The following SOX5 variants were observed in gnomAD, a reference collection of about 807,000 sequenced individuals.
SOX5 encodes transcription factor SOX-5.
In SOX5, 9 loss-of-function variants were observed where a neutral mutation model predicts 92.0. The observed-to-expected ratio is 0.10, with a 90% confidence interval of 0.06 to 0.17. The LOEUF is 0.17. Among genes scored for constraint, SOX5 ranks in the 10% least tolerant of loss-of-function variants. The pLI is 1.00. For synonymous variants in SOX5, 344 were observed against 336.3 expected, an observed-to-expected ratio of 1.02 and a Z score of -0.25; for missense variants, 642 against 944.5, an observed-to-expected ratio of 0.68 and a Z score of 4.20.
rs5797050 is a variant in SOX5 at position 23,948,221 on chromosome 12, T to TAA, written c.38+1341_38+1342dup. 2.7e-5 allele frequency among the ~76,000 whole-genome samples: 4 copies of TAA among 147,676 alleles called. No individual in the cohort carries two copies. The South Asian group carries it at 6.3e-4, about 23-fold the overall frequency. ...TCTAGTAAAGATGCAATTTAATTATTAAAAAAAAAAACACAGAAGAAATCA... is the reference window on the plus strand; with the variant it reads ...TCTAGTAAAGATGCAATTTAATTATTAAAAAAAAAAAAACACAGAAGAAATCA... On this transcript the variant is annotated intron_variant, in intron 1 of 14. Transcript: ENST00000451604.
chr12:24,509,005 C>G (rs1226458174), intron 1 of SOX5, among the ~76,000 whole-genome samples: 5 of 152,112 alleles, frequency 3.3e-5, no homozygotes, highest in Non-Finnish European at 7.4e-5. Context: ...AAAATTGAGG[C>G]ACCTGATGAT....
At chr12:24,559,014 C>G (rs1185028194) in intron 1 of SOX5, among the ~76,000 whole-genome samples, 1 of 152,156 alleles carries the variant, frequency 6.6e-6, no homozygotes, top group African/African-American at 2.4e-5. Flanking sequence ...GATCCCAAAT[C>G]ATTAACATAT....
intron 9 of SOX5, among the ~76,000 whole-genome samples, chr12:23,599,906 G>C (rs191208736): frequency 1.7e-3 from 252 of 152,180 alleles, no homozygotes; most frequent in Non-Finnish European, 3.3e-3. Flanking sequence ...CTATAACAAA[G>C]CAAAGGTCAT....
intron 2 of SOX5, among the ~76,000 whole-genome samples, chr12:24,346,484 C>T (rs2141119527): frequency 6.8e-6 from 1 of 147,902 alleles, no homozygotes; most frequent in South Asian, 2.1e-4. Context: ...TGGAGTCTCA[C>T]TCTGTTGCCT....
intron 8 of SOX5, among the ~76,000 whole-genome samples, chr12:23,607,485 CTGACT>C (rs1264233363): frequency 6.6e-5 from 10 of 152,128 alleles, no homozygotes; most frequent in Admixed American, 2.0e-4. Context: ...AAATGCTGCT[CTGACT>C]TATTTTAATT....
chr12:24,149,535 G>T (rs1178608832), intron 4 of SOX5, among the ~76,000 whole-genome samples: 5 of 152,064 alleles, frequency 3.3e-5, no homozygotes, highest in Non-Finnish European at 7.4e-5. Context: ...AAATTAAAAA[G>T]ACCAGCCACA....
At chr12:24,424,511 G>A (rs1966407553) in intron 1 of SOX5, among the ~76,000 whole-genome samples, 5 of 152,052 alleles carry the variant, frequency 3.3e-5, no homozygotes, top group Admixed American at 3.3e-4. Flanking sequence ...GCTGCTATGA[G>A]AACAAGCAAA....
intron 3 of SOX5, among the ~76,000 whole-genome samples, chr12:23,764,219 T>C (rs1410254680): frequency 2.0e-5 from 3 of 152,134 alleles, no homozygotes; most frequent in African/African-American, 7.2e-5. Context: ...AAGATTTTCA[T>C]GACTATTTTT....
chr12:24,426,098 G>C (rs1966717634), intron 1 of SOX5, among the ~76,000 whole-genome samples: 1 of 152,204 alleles, frequency 6.6e-6, no homozygotes, highest in Non-Finnish European at 1.5e-5. Context: ...ACTTTGGGAG[G>C]CCAAGGCGGG....
chr12:24,053,418 C>T (rs1203728317), intron 4 of SOX5, among the ~76,000 whole-genome samples: 2 of 152,056 alleles, frequency 1.3e-5, no homozygotes, highest in Non-Finnish European at 2.9e-5. Flanking sequence ...GCATGAGCTA[C>T]CGCGCCTGGC....
At chr12:24,421,162 G>A (rs1367213485) in intron 1 of SOX5, among the ~76,000 whole-genome samples, 1 of 152,186 alleles carries the variant, frequency 6.6e-6, no homozygotes, top group Non-Finnish European at 1.5e-5. Flanking sequence ...TCTAGAGAAA[G>A]AGGTGAGTCT....
At position 24,158,089 on chromosome 12, in the gene SOX5, C is replaced by T. The variant is rs920470754; in HGVS notation, c.-2+55254G>A. ...CAATTTCTACCAAGGTCAGTTTCTT[C>T]ACAGGAAAAATCCAACACATTTAGA... is the stretch of plus-strand genomic sequence containing the variant. On this transcript the variant is annotated intron_variant, in intron 4 of 4. Coordinates refer to the SOX5 transcript ENST00000446891. Among the ~76,000 whole-genome samples, 6 of 152,116 alleles carry T rather than the reference C, an allele frequency of 3.9e-5. 1 individual carries two copies. Among genetic ancestry groups the T allele is most frequent in the African/African-American group, 1.4e-4 (6 of 41,558 alleles).
Position 24,447,282 on chromosome 12 carries a change from G to C in SOX5, c.-250-78643C>G, listed in dbSNP as rs149341017. Among the ~76,000 whole-genome samples the C allele has an allele frequency of 5.7e-4, 87 of 152,314 alleles. 1 individual carries two copies. In the Middle Eastern group the frequency reaches 0.024, roughly 42 times the overall value. On this transcript the variant is annotated intron_variant, in intron 1 of 4. Transcript: ENST00000446891. ...TGTTGACAGCGTGTGCCCTTGGTATGATGTGATGAAAACGGCACTTCAGCT... is the reference window on the plus strand; with the variant it reads ...TGTTGACAGCGTGTGCCCTTGGTATCATGTGATGAAAACGGCACTTCAGCT...
intron 1 of SOX5, among the ~76,000 whole-genome samples, chr12:23,927,391 C>A (rs1157611269): frequency 6.6e-6 from 1 of 152,026 alleles, no homozygotes; most frequent in Admixed American, 6.6e-5. Context: ...CTTAACACCT[C>A]TTTCTCCTTC....
At chr12:23,826,766 T>C (rs1265815064) in intron 3 of SOX5, among the ~76,000 whole-genome samples, 1 of 152,198 alleles carries the variant, frequency 6.6e-6, no homozygotes, top group Non-Finnish European at 1.5e-5. Flanking sequence ...TTCATTTATA[T>C]GGCTTTCTGC....
At position 24,085,941 on chromosome 12, in the gene SOX5, C is replaced by T. The variant is rs117957906; in HGVS notation, c.-2+127402G>A. On this transcript the variant is annotated intron_variant, in intron 4 of 4. Coordinates refer to the SOX5 transcript ENST00000446891. The stretch of plus-strand genomic sequence containing the variant: ...AAACATCATAAGTTGTCCACACAGA[C>T]AAGAACGGATATGCTAAAAAAAAAA... Among the ~76,000 whole-genome samples the T allele has an allele frequency of 3.1e-3, 438 of 142,562 alleles. 2 individuals carry two copies. The highest frequency in any genetic ancestry group is 7.1e-3 in the Middle Eastern group (2 of 280). 93.5% of individuals were successfully genotyped at this position (142,562 alleles called of 152,430 possible). A position where few individuals can be genotyped will look rare whatever the true frequency, so the allele number is the denominator to read the frequency against.
At chr12:24,192,827 C>T (rs1009494046) in intron 4 of SOX5, among the ~76,000 whole-genome samples, 3 of 152,152 alleles carry the variant, frequency 2.0e-5, no homozygotes, top group African/African-American at 7.2e-5. Context: ...CCAGCCTCTT[C>T]CCCCAGGTAA....
intron 1 of SOX5, among the ~76,000 whole-genome samples, chr12:24,503,535 T>C (rs777031642): frequency 3.3e-5 from 5 of 152,212 alleles, no homozygotes; most frequent in Non-Finnish European, 7.3e-5. Flanking sequence ...CGTATGTTTA[T>C]TGTAGTACTG....
At position 23,672,176 on chromosome 12, in the gene SOX5, G is replaced by A. The variant is rs374915908; in HGVS notation, c.811-6612C>T. 1.1e-3 allele frequency among the ~76,000 whole-genome samples: 164 copies of A among 151,710 alleles called. 1 individual carries two copies. The South Asian group carries it at 0.022, about 21-fold the overall frequency. ...TTGTCCCATTGCAAGTGCTAACTCT[G>A]CCTCCAGGGCTGATATAGCCAAAAT... is the stretch of plus-strand genomic sequence containing the variant. On this transcript the variant is annotated intron_variant, in intron 6 of 14. Transcript: ENST00000451604.
Sources: gnomAD v4.1 joint callset for allele counts (sites outside exome capture counted in the v4.1 genomes callset) on GRCh38, gnomAD v4.1.1 for gene constraint, MANE v1.5 for transcripts, NCBI Gene and HGNC (gene_info 2026-07-23, HGNC 2026-07-21) for gene names.